ZSWIM6: variants seen among roughly 807,000 people sequenced by gnomAD.
ZSWIM6 encodes zinc finger SWIM domain-containing protein 6.
ZSWIM6 carries 9 observed loss-of-function variants against 113.2 expected under a neutral mutation model. The ratio of observed to expected loss-of-function variants is 0.08; its 90% CI spans 0.05 to 0.14. ZSWIM6 has a LOEUF of 0.14. ZSWIM6 is among the 10% of genes least tolerant of loss of function. The pLI, the probability that ZSWIM6 is intolerant of heterozygous loss-of-function variation, is 1.00. For missense variants in ZSWIM6, 1,162 were observed against 1,552.2 expected (o/e 0.75, Z 4.22); for synonymous variants, 611 against 606.5 (o/e 1.01, Z -0.11).
intron 1 of ZSWIM6, among the ~76,000 whole-genome samples, chr5:61,430,814 A>G (rs917462267): frequency 2.6e-5 from 4 of 152,230 alleles, no homozygotes; most frequent in Non-Finnish European, 4.4e-5. Context: ...GATCATTCCA[A>G]TGAAACCGAA....
chr5:61,421,585 G>T (rs1746356299), intron 1 of ZSWIM6, among the ~76,000 whole-genome samples: 2 of 152,116 alleles, frequency 1.3e-5, no homozygotes, highest in South Asian at 4.1e-4. Flanking sequence ...TCATCACCCA[G>T]GTATTAAACC....
intron 1 of ZSWIM6, among the ~76,000 whole-genome samples, chr5:61,380,272 C>T (rs557431574): frequency 3.3e-5 from 5 of 152,228 alleles, no homozygotes; most frequent in Admixed American, 6.5e-5. Context: ...GACGGGGTTT[C>T]GCCCTGTTGG....
chr5:61,455,466 T>G (rs1395682977), intron 1 of ZSWIM6, among the ~76,000 whole-genome samples: 1 of 152,300 alleles, frequency 6.6e-6, no homozygotes, highest in East Asian at 1.9e-4. Flanking sequence ...TCATTTACTC[T>G]TATTTACACA....
chr5:61,537,145 G>A (rs2112285913), intron 10 of ZSWIM6, among the ~76,000 whole-genome samples: 1 of 152,316 alleles, frequency 6.6e-6, no homozygotes, highest in South Asian at 2.1e-4. Flanking sequence ...TAAAGTTTCT[G>A]TGTGGTTCTG....
At chr5:61,473,622 CA>C (rs1342331977) in intron 2 of ZSWIM6, among the ~76,000 whole-genome samples, 4 of 152,088 alleles carry the variant, frequency 2.6e-5, no homozygotes, top group Non-Finnish European at 5.9e-5. Context: ...GCAAATATGT[CA>C]ACTCACAAGA....
intron 1 of ZSWIM6, among the ~76,000 whole-genome samples, chr5:61,430,430 AAATCTTATATT>A (rs1160905595): frequency 1.3e-5 from 2 of 152,338 alleles, no homozygotes; most frequent in East Asian, 3.9e-4. Context: ...CTGTTATATT[AAATCTTATATT>A]AATCTTAAAT....
intron 1 of ZSWIM6, among the ~76,000 whole-genome samples, chr5:61,381,599 G>GT (rs1053055761): frequency 1.3e-5 from 2 of 151,942 alleles, no homozygotes; most frequent in African/African-American, 2.4e-5. Context: ...GTTGTCCATA[G>GT]TTTTTTTTGT....
At chr5:61,541,998 G>A in intron 13 of ZSWIM6, 33 bp downstream of exon 13, 1 of 1,522,954 alleles carries the variant, frequency 6.6e-7, no homozygotes, top group Non-Finnish European at 8.9e-7. Flanking sequence ...GCTTTCCTAG[G>A]TGCCTCATGG....
At chr5:61,334,536 G>A (rs1057465487) in intron 1 of ZSWIM6, among the ~76,000 whole-genome samples, 1 of 152,036 alleles carries the variant, frequency 6.6e-6, no homozygotes, top group East Asian at 1.9e-4. Flanking sequence ...GTCTGGATAG[G>A]GTCCCCAAGA....
chr5:61,543,693 A>G lies in ZSWIM6; in HGVS notation c.3024A>G (p.Ile1008Met), dbSNP rs1421509600. ...TAACCCTTTGTGAAAAGGATCACATAGCTTTTGAGACGGCGTACCAAATTG... is the reference window on the plus strand; with the variant it reads ...TAACCCTTTGTGAAAAGGATCACATGGCTTTTGAGACGGCGTACCAAATTG... ...SALTLCEKDH[I>M]AFETAYQIVL... Residue 1008 changes from isoleucine (I) to methionine (M), a missense_variant, in exon 14 of 14, where the codon ATA becomes ATG. Physicochemically the swap from Ile to Met is conservative, Grantham distance 10. This residue lies in a region of ZSWIM6 where 620 missense variants were observed against 804.6 expected (regional missense o/e 0.77). Transcript: ENST00000252744. This position sits in a 1 kb window ranked among gnomAD's most constrained non-coding sequence, Gnocchi z 4.3. 6.4e-6 allele frequency: 10 copies of G among 1,551,584 alleles called. No individual in the cohort carries two copies. The highest frequency in any genetic ancestry group is 7.8e-6 in the Non-Finnish European group (9 of 1,147,008).
At chr5:61,450,462 T>TA (rs1489457177) in intron 1 of ZSWIM6, among the ~76,000 whole-genome samples, 1 of 152,148 alleles carries the variant, frequency 6.6e-6, no homozygotes, top group East Asian at 1.9e-4. Context: ...GTGATTTATT[T>TA]AAAAATAAAT....
chr5:61,543,982 T>G lies in ZSWIM6; in HGVS notation c.3313T>G (p.Ser1105Ala). The G allele has an allele frequency of 6.4e-7, 1 of 1,551,836 alleles. No homozygotes were observed. Among genetic ancestry groups the G allele is most frequent in the Non-Finnish European group, 8.7e-7 (1 of 1,147,014 alleles). ...VKSVKCATVL[S>A]DILRRCTLTT... Reference sequence around the variant, plus strand: ...GAGTGTCAAGTGTGCAACGGTACTGTCAGACATTTTGCGCAGATGCACTCT... The same window carrying G: ...GAGTGTCAAGTGTGCAACGGTACTGGCAGACATTTTGCGCAGATGCACTCT... The change falls in exon 14 of 14, where the codon TCA becomes GCA. Residue 1105 changes from serine (S) to alanine (A), a missense_variant. Transcript: ENST00000252744. The surrounding 1 kb of genome is among the most constrained non-coding windows in gnomAD (Gnocchi z 4.3).
chr5:61,335,982 G>A (rs1293570596), intron 1 of ZSWIM6, among the ~76,000 whole-genome samples: 1 of 152,206 alleles, frequency 6.6e-6, no homozygotes, highest in Non-Finnish European at 1.5e-5. Flanking sequence ...AATTTATATT[G>A]CCGGGCACGG....
intron 4 of ZSWIM6, among the ~76,000 whole-genome samples, chr5:61,505,622 C>CCTTA (rs1288207906): frequency 2.6e-4 from 19 of 71,870 alleles, no homozygotes; most frequent in Non-Finnish European, 6.5e-5. Context: ...TTCCTTCCTT[C>CCTTA]CTTCCTTCCT....
intron 1 of ZSWIM6, among the ~76,000 whole-genome samples, chr5:61,382,810 A>T (rs1240108868): frequency 7.3e-6 from 1 of 137,634 alleles, no homozygotes; most frequent in African/African-American, 2.6e-5. Context: ...GTCTAAAAAT[A>T]AAAAAAAAAG....
intron 4 of ZSWIM6, among the ~76,000 whole-genome samples, chr5:61,513,113 T>C (rs200755933): frequency 6.6e-6 from 1 of 152,138 alleles, no homozygotes. Context: ...AAATTCTCTA[T>C]GCTGTTCCTA....
Position 61,490,951 on chromosome 5 carries a change from C to A in ZSWIM6, c.1182+17C>A, listed in dbSNP as rs1222607047. 3.3e-6 allele frequency: 5 copies of A among 1,513,926 alleles called. No homozygotes were observed. Among genetic ancestry groups the A allele is most frequent in the Non-Finnish European group, 4.4e-6 (5 of 1,135,698 alleles). 93.8% of individuals were successfully genotyped at this position (1,513,926 alleles called of 1,614,324 possible). ...TTTGCAAAGGTATGATTGTCTATTT[C>A]TAAAGAAATATTCTAAATATATACA... On this transcript the variant is annotated intron_variant, in intron 3 of 13. Coordinates refer to ENST00000252744, the MANE Select transcript of ZSWIM6 (RefSeq NM_020928.2).
At position 61,419,757 on chromosome 5, in the gene ZSWIM6, G is replaced by A. The variant is rs949956285; in HGVS notation, c.677-52924G>A. 2.6e-5 allele frequency among the ~76,000 whole-genome samples: 4 copies of A among 152,274 alleles called. 1 individual carries two copies. The highest frequency in any genetic ancestry group is 2.1e-4 in the South Asian group (1 of 4,828). On this transcript the variant is annotated intron_variant, in intron 1 of 13. Transcript: ENST00000252744. ...CTCCTGAAAGGCTTTTTTCTTCTGA[G>A]GGATGTGCCCTTCAGGACAATGGTA...
At chr5:61,439,826 C>A (rs1045803328) in intron 1 of ZSWIM6, among the ~76,000 whole-genome samples, 1 of 152,002 alleles carries the variant, frequency 6.6e-6, no homozygotes, top group Non-Finnish European at 1.5e-5. Flanking sequence ...TTTAAAAAGA[C>A]CTTTGAAACG....
Sources: allele counts gnomAD v4.1 joint callset (sites outside exome capture counted in the v4.1 genomes callset), GRCh38; gene constraint gnomAD v4.1.1; regional missense constraint gnomAD v4.1.1; non-coding constraint Gnocchi (gnomAD v3.1); transcripts MANE v1.5; gene names NCBI Gene and HGNC (gene_info 2026-07-23, HGNC 2026-07-21).